FAM111A: variants seen among roughly 807,000 people sequenced by gnomAD.
The protein encoded by FAM111A is FAM111 trypsin like peptidase A.
FAM111A carries 8 observed loss-of-function variants against 3.3 expected under a neutral mutation model. That is an observed-to-expected ratio of 2.39 (90% CI 1.40 to 4.32). The LOEUF is 4.32. Ranked by LOEUF, FAM111A falls within the 30% of genes most tolerant of loss-of-function variation. FAM111A has a pLI of 0.00. For synonymous variants in FAM111A, 227 were observed against 243.1 expected (o/e 0.93, Z 0.62); for missense variants, 683 against 727.6 (o/e 0.94, Z 0.71).
intron 4 of FAM111A, 165 bp from the exon 5 acceptor site, chr11:59,148,632 C>T: frequency 2.1e-6 from 1 of 466,552 alleles, no homozygotes; most frequent in Non-Finnish European, 3.8e-6. Context: ...GCCTGACACG[C>T]AGTGTTCTCG....
intron 3 of FAM111A, chr11:59,145,380 C>CT (rs1345629867): frequency 6.6e-6 from 1 of 152,364 alleles, no homozygotes; most frequent in African/African-American, 2.4e-5. Context: ...GGCTGCACTG[C>CT]TTTATCCCTT....
rs765671349 is a variant in FAM111A at position 59,152,181 on chromosome 11, T to G, written c.513T>G (p.Phe171Leu). Residue 171 changes from phenylalanine to leucine, a missense_variant, in exon 6 of 6, where the codon TTT becomes TTG. Physicochemically the swap from Phe to Leu is conservative, Grantham distance 22 (BLOSUM62 0). Coordinates refer to ENST00000675163, the MANE Select transcript of FAM111A (RefSeq NM_001312909.2). ...KSKQKEDNHI[F>L]GRQDKASTEC... ...AGCAGAAGGAAGATAACCACATATT[T>G]GGCAGGCAGGACAAAGCATCGACTG... The G allele has an allele frequency of 1.9e-6, 3 of 1,614,160 alleles. No individual in the cohort carries two copies. The highest frequency in any genetic ancestry group is 2.5e-6 in the Non-Finnish European group (3 of 1,180,026).
In FAM111A at chr11:59,148,935, C is replaced by T. The variant is rs147786828; in HGVS notation, c.63C>T (p.Ile21=). The T allele has an allele frequency of 2.2e-4, 361 of 1,612,730 alleles. No individual in the cohort carries two copies. The highest frequency in any genetic ancestry group is 9.2e-4 in the Admixed American group (55 of 59,986). Residue 21 remains isoleucine (I), a synonymous_variant, in exon 5 of 6, where the codon ATC becomes ATT. Coordinates refer to ENST00000675163, the MANE Select transcript of FAM111A (RefSeq NM_001312909.2). The part of the protein sequence containing the change: ...HSVNEKCNMK[I]EHYFSPVSKE... ...TCAATGAAAAATGTAATATGAAAAT[C>T]GAGCACTATTTTTCTCCGGTATGTC... is the stretch of plus-strand genomic sequence containing the variant.
Position 59,152,667 on chromosome 11 carries a change from G to A in FAM111A, c.999G>A (p.Thr333=), listed in dbSNP as rs755864654. The part of the protein sequence containing the change: ...GETLFELHRT[T]FGKVTKNSSS... ...CATTATTTGAATTGCATAGAACAAC[G>A]TTTGGGAAAGTAACAAAAAATTCTT... Residue 333 remains threonine, a synonymous_variant, in exon 6 of 6, where the codon ACG becomes ACA. Coordinates refer to ENST00000675163, the MANE Select transcript of FAM111A (RefSeq NM_001312909.2). 2.0e-5 allele frequency: 32 copies of A among 1,613,972 alleles called. No homozygotes were observed. Among genetic ancestry groups the A allele is most frequent in the African/African-American group, 4.0e-5 (3 of 74,932 alleles).
intron 5 of FAM111A, 48 bp from the exon 6 acceptor site, chr11:59,151,702 G>C: frequency 2.2e-6 from 3 of 1,378,400 alleles, no homozygotes; most frequent in Non-Finnish European, 3.0e-6. Context: ...AGAAACAAAA[G>C]ACTCGGGTTG....
chr11:59,154,680 T>C lies in FAM111A; in HGVS notation c.*1176T>C, dbSNP rs970572255. ...CAGAAGAAGCAGGCATGTAAGATTTTAAGGACTGGTTTCGAGGGGTCGAGT... is the reference window on the plus strand; with the variant it reads ...CAGAAGAAGCAGGCATGTAAGATTTCAAGGACTGGTTTCGAGGGGTCGAGT... On this transcript the variant is annotated 3_prime_UTR_variant, in exon 6 of 6. Transcript: ENST00000675163. The C allele has an allele frequency of 1.3e-5, 2 of 152,264 alleles. No homozygotes were observed. The highest frequency in any genetic ancestry group is 2.9e-5 in the Non-Finnish European group (2 of 68,040). 9.4% of individuals were successfully genotyped at this position (152,264 alleles called of 1,614,324 possible).
intron 4 of FAM111A, 166 bp from the exon 5 acceptor site, chr11:59,148,631 G>T: frequency 2.2e-6 from 1 of 460,596 alleles, no homozygotes; most frequent in Non-Finnish European, 3.9e-6. Flanking sequence ...TGCCTGACAC[G>T]CAGTGTTCTC....
In FAM111A at chr11:59,153,615, T is replaced by C. The variant is rs1473182593; in HGVS notation, c.*111T>C. 5.1e-6 allele frequency: 4 copies of C among 785,244 alleles called. No homozygotes were observed. Among genetic ancestry groups the C allele is most frequent in the Non-Finnish European group, 4.0e-6 (2 of 500,694 alleles). The allele number at this position is 785,244 out of a possible 1,614,324, so 48.6% of individuals were successfully genotyped here. ...GTCATCTTATCAATAATAATAATAT[T>C]GACCATTTCCTATCTGCCAGGCATT... On this transcript the variant is annotated 3_prime_UTR_variant, in exon 6 of 6. Coordinates refer to ENST00000675163, the MANE Select transcript of FAM111A (RefSeq NM_001312909.2).
intron 3 of FAM111A, 22 bp downstream of exon 3, chr11:59,143,717 C>T (rs1211610884): frequency 1.3e-5 from 2 of 152,194 alleles, no homozygotes; most frequent in Non-Finnish European, 2.9e-5. Context: ...ATTGTGAGAA[C>T]TGAAGCCATC....
At position 59,148,761 on chromosome 11, in the gene FAM111A, A is replaced by T. The variant is rs1590936435; in HGVS notation, c.-76-36A>T. 8 of 727,020 alleles carry T rather than the reference A, an allele frequency of 1.1e-5. No individual in the cohort carries two copies. In the South Asian group the frequency reaches 1.2e-4, roughly 11 times the overall value. The allele number at this position is 727,020 out of a possible 1,614,324, so 45.0% of individuals were successfully genotyped here. ...TAAGGGGAAAGATGGGACGCAGGAC[A>T]CCAGCTAATCTTTTCCTCTGTACAA... On this transcript the variant is annotated intron_variant, in intron 4 of 5. Coordinates refer to ENST00000675163, the MANE Select transcript of FAM111A (RefSeq NM_001312909.2).
At chr11:59,147,576 T>G (rs981912381) in intron 4 of FAM111A, among the ~76,000 whole-genome samples, 8 of 152,230 alleles carry the variant, frequency 5.3e-5, no homozygotes, top group Non-Finnish European at 8.8e-5. Flanking sequence ...AACTACATTT[T>G]TTTTGCATAT....
intron 4 of FAM111A, among the ~76,000 whole-genome samples, 173 bp downstream of exon 4, chr11:59,146,029 TA>T (rs1184477387): frequency 1.3e-5 from 2 of 151,802 alleles, no homozygotes; most frequent in African/African-American, 4.8e-5. Context: ...ATATAATATA[TA>T]TAATATGTGT....
At chr11:59,145,953 T>G (rs778896644) in intron 4 of FAM111A, 97 bp downstream of exon 4, 4 of 149,278 alleles carry the variant, frequency 2.7e-5, no homozygotes, top group Non-Finnish European at 5.9e-5. Context: ...AGGCTTTGCA[T>G]ATGCTCTCTC....
rs1210624761 is a variant in FAM111A, at chr11:59,148,821, AAAATTTG to A, written c.-46_-40del. ...GCTTTGAAGATACTGCTATAATTTG[AAAATTTG>A]AAATTAGTGTTTCAGCTGAACCATC... On this transcript the variant is annotated 5_prime_UTR_variant, in exon 5 of 6. Transcript: ENST00000675163. The A allele has an allele frequency of 4.5e-6, 6 of 1,336,240 alleles. No homozygotes were observed. Among genetic ancestry groups the A allele is most frequent in the Non-Finnish European group, 5.4e-6 (5 of 929,006 alleles). 82.8% of individuals were successfully genotyped at this position (1,336,240 alleles called of 1,614,324 possible).
Position 59,152,411 on chromosome 11 carries a change from C to A in FAM111A, c.743C>A (p.Thr248Asn), listed in dbSNP as rs371548893. 17 of 1,613,974 alleles carry A rather than the reference C, an allele frequency of 1.1e-5. No individual in the cohort carries two copies. Among genetic ancestry groups the A allele is most frequent in the Non-Finnish European group, 1.4e-5 (17 of 1,180,014 alleles). The change falls in exon 6 of 6, where the codon ACC becomes AAC. Residue 248 changes from threonine to asparagine, a missense_variant. By Grantham distance (65) the Thr-to-Asn change is moderately conservative. Around this residue, in one of 3 missense-constraint regions of FAM111A, gnomAD observed 557 missense variants for 600.2 expected, o/e 0.93. Coordinates refer to ENST00000675163, the MANE Select transcript of FAM111A (RefSeq NM_001312909.2). The stretch of plus-strand genomic sequence containing the variant: ...TGGAAACTCATTGAAAACAATGACA[C>A]CATTTTAGAAAGCACCCAGCCAGTT... ...DDWKLIENND[T>N]ILESTQPVDE...
chr11:59,149,348 C>T (rs1029151397), intron 5 of FAM111A, among the ~76,000 whole-genome samples: 2 of 152,108 alleles, frequency 1.3e-5, no homozygotes, highest in Non-Finnish European at 2.9e-5. Flanking sequence ...CTTACCTATC[C>T]TTGGCATTGG....
At chr11:59,149,248 T>A (rs1861345730) in intron 5 of FAM111A, 1 of 253,838 alleles carries the variant, frequency 3.9e-6, no homozygotes. Flanking sequence ...CACACTCATT[T>A]TTTTTTTCCC....
In FAM111A at chr11:59,153,703, A is replaced by ATTTTTTTT. The variant is rs878948228; in HGVS notation, c.*208_*215dup. The stretch of plus-strand genomic sequence containing the variant: ...ATGAGATGGACTATAACTTGCCCAA[A>ATTTTTTTT]TTTTTTTTTTTTTTTTGAGACTGAG... On this transcript the variant is annotated 3_prime_UTR_variant, in exon 6 of 6. Coordinates refer to ENST00000675163, the MANE Select transcript of FAM111A (RefSeq NM_001312909.2). 5.4e-3 allele frequency: 1,760 copies of ATTTTTTTT among 323,256 alleles called. 47 individuals are homozygous for ATTTTTTTT. The highest frequency in any genetic ancestry group is 0.04 in the African/African-American group (1,655 of 41,620). 20.0% of individuals were successfully genotyped at this position (323,256 alleles called of 1,614,324 possible).
At chr11:59,148,614 C>A (rs1861244183) in intron 4 of FAM111A, 183 bp from the exon 5 acceptor site, 1 of 418,760 alleles carries the variant, frequency 2.4e-6, no homozygotes, top group East Asian at 3.9e-5. Context: ...GTATAATTTT[C>A]ATGAAGTGCC....
Sources: gnomAD v4.1 joint callset for allele counts (sites outside exome capture counted in the v4.1 genomes callset) on GRCh38, gnomAD v4.1.1 for gene constraint, gnomAD v4.1.1 regional missense constraint, MANE v1.5 for transcripts, NCBI Gene and HGNC (gene_info 2026-07-23, HGNC 2026-07-21) for gene names.